MAP3K1: variants seen among roughly 807,000 people sequenced by gnomAD.
MAP3K1 encodes the protein MAP/ERK kinase kinase 1.
MAP3K1 carries 36 observed loss-of-function variants against 144.2 expected under a neutral mutation model. The ratio of observed to expected loss-of-function variants is 0.25; its 90% CI spans 0.19 to 0.33. MAP3K1 has a LOEUF of 0.33. MAP3K1 is among the 10% of genes least tolerant of loss of function. The probability of loss-of-function intolerance (pLI) is 1.00; values close to 1 mark genes in which losing one functional copy is unlikely to be tolerated. For missense variants in MAP3K1, 1,650 were observed against 1,881.9 expected (o/e 0.88, Z 2.28); for synonymous variants, 718 against 688.7 (o/e 1.04, Z -0.67).
intron 19 of MAP3K1, 94 bp downstream of exon 19, chr5:56,888,451 A>AT: frequency 9.5e-7 from 1 of 1,050,526 alleles, no homozygotes; most frequent in Non-Finnish European, 1.5e-6. Flanking sequence ...CTAACAATCT[A>AT]GCATGAAGGT....
At chr5:56,845,409 A>G (rs564669120) in intron 1 of MAP3K1, among the ~76,000 whole-genome samples, 1 of 151,772 alleles carries the variant, frequency 6.6e-6, no homozygotes, top group Non-Finnish European at 1.5e-5. Context: ...TTTTCATTTC[A>G]CTGTGCCATG....
chr5:56,866,415 G>T (rs949084662), intron 6 of MAP3K1, among the ~76,000 whole-genome samples: 2 of 151,852 alleles, frequency 1.3e-5, no homozygotes, highest in Non-Finnish European at 2.9e-5. Context: ...AAATATGTGG[G>T]TGTGTGTATG....
chr5:56,861,568 T>TAA (rs869216404), intron 3 of MAP3K1, among the ~76,000 whole-genome samples: 10 of 114,168 alleles, frequency 8.8e-5, no homozygotes, highest in Admixed American at 9.7e-5. Flanking sequence ...GTGAGACTCC[T>TAA]AAAAAAAAAA....
chr5:56,839,949 G>T (rs1041156560), intron 1 of MAP3K1, among the ~76,000 whole-genome samples: 2 of 152,110 alleles, frequency 1.3e-5, no homozygotes, highest in East Asian at 1.9e-4. Context: ...CATTTTTTCA[G>T]TGTTTAGTGT....
intron 2 of MAP3K1, among the ~76,000 whole-genome samples, chr5:56,857,474 C>T (rs1451631919): frequency 1.3e-5 from 2 of 152,052 alleles, no homozygotes; most frequent in African/African-American, 4.8e-5. Context: ...TCTCTCTCAG[C>T]AAGTTTTTAT....
At chr5:56,862,003 C>G (rs915312925) in intron 3 of MAP3K1, 3 of 152,012 alleles carry the variant, frequency 2.0e-5, no homozygotes, top group African/African-American at 7.3e-5. Flanking sequence ...GTTGTTGGCT[C>G]TATGTTAAAA....
chr5:56,890,597 C>T (rs942910756), intron 19 of MAP3K1, among the ~76,000 whole-genome samples: 1 of 152,146 alleles, frequency 6.6e-6, no homozygotes, highest in African/African-American at 2.4e-5. Flanking sequence ...AAGATTACCT[C>T]TAGAAGTACC....
At chr5:56,833,780 A>T (rs909768957) in intron 1 of MAP3K1, among the ~76,000 whole-genome samples, 9 of 152,056 alleles carry the variant, frequency 5.9e-5, no homozygotes, top group African/African-American at 2.2e-4. Flanking sequence ...AATGCCCTTT[A>T]ATTTGAGTAA....
intron 1 of MAP3K1, among the ~76,000 whole-genome samples, chr5:56,847,164 G>A (rs979233014): frequency 7.9e-5 from 12 of 152,300 alleles, no homozygotes; most frequent in African/African-American, 2.6e-4. Flanking sequence ...AAGGAATATA[G>A]CCCCTTTCGT....
Position 56,815,787 on chromosome 5 carries a change from C to T in MAP3K1, c.214C>T (p.Gln72Ter). The T allele has an allele frequency of 1.4e-6, 2 of 1,421,154 alleles. No homozygotes were observed. Among genetic ancestry groups the T allele is most frequent in the Non-Finnish European group, 1.8e-6 (2 of 1,084,490 alleles). The allele number at this position is 1,421,154 out of a possible 1,614,324, so 88.0% of individuals were successfully genotyped here. A position where few individuals can be genotyped will look rare whatever the true frequency, so the allele number is the denominator to read the frequency against. ...CAAAGTGCGGAGTGTGGAGCTGGACCAGCTGCCTGAGCAGCCGCTCTTCCT... is the reference window on the plus strand; with the variant it reads ...CAAAGTGCGGAGTGTGGAGCTGGACTAGCTGCCTGAGCAGCCGCTCTTCCT... ...LRKVRSVELD[Q>*]LPEQPLFLAA... Residue 72 changes from glutamine to a stop codon, truncating the protein, a stop_gained, in exon 1 of 20, where the codon CAG (glutamine) becomes TAG (stop). Coordinates refer to ENST00000399503, the MANE Select transcript of MAP3K1 (RefSeq NM_005921.2). LOFTEE classifies it high-confidence loss of function.
chr5:56,817,757 T>G (rs1352059211), intron 1 of MAP3K1, among the ~76,000 whole-genome samples: 1 of 152,214 alleles, frequency 6.6e-6, no homozygotes, highest in Non-Finnish European at 1.5e-5. Flanking sequence ...AGACCTAACT[T>G]TTTGGATACA....
intron 14 of MAP3K1, among the ~76,000 whole-genome samples, chr5:56,883,288 TACA>T (rs1461463969): frequency 1.3e-5 from 2 of 152,228 alleles, no homozygotes; most frequent in African/African-American, 4.8e-5. Flanking sequence ...TTATTACTTA[TACA>T]ACAATAATGT....
In MAP3K1 at chr5:56,895,454, C is replaced by T. The variant is rs1748676819; in HGVS notation, c.*1774C>T. On this transcript the variant is annotated 3_prime_UTR_variant, in exon 20 of 20. Coordinates refer to ENST00000399503, the MANE Select transcript of MAP3K1 (RefSeq NM_005921.2). The stretch of plus-strand genomic sequence containing the variant: ...TCATGTGCAAGCTTTAAAGGATGCA[C>T]TCTTGCCATTTTATGTACTGGAAGA... The T allele has an allele frequency of 4.3e-6, 1 of 229,928 alleles. No homozygotes were observed. The allele number at this position is 229,928 out of a possible 1,614,324, so 14.2% of individuals were successfully genotyped here.
At chr5:56,886,085 A>G in intron 17 of MAP3K1, 22 bp downstream of exon 17, 1 of 1,595,104 alleles carries the variant, frequency 6.3e-7, no homozygotes, top group South Asian at 1.1e-5. Flanking sequence ...TCTAATTATT[A>G]TCTAGTGACA....
chr5:56,877,472 C>T (rs1476005776), intron 10 of MAP3K1, among the ~76,000 whole-genome samples: 1 of 151,862 alleles, frequency 6.6e-6, no homozygotes, highest in Non-Finnish European at 1.5e-5. Flanking sequence ...CTTATCTCCC[C>T]TTCCTCTGTC....
At chr5:56,824,198 G>A (rs1370195367) in intron 1 of MAP3K1, among the ~76,000 whole-genome samples, 1 of 152,196 alleles carries the variant, frequency 6.6e-6, no homozygotes, top group Non-Finnish European at 1.5e-5. Flanking sequence ...TTTACTGTTG[G>A]TAAGTAAACC....
At chr5:56,840,918 C>G (rs1038232728) in intron 1 of MAP3K1, among the ~76,000 whole-genome samples, 1 of 151,178 alleles carries the variant, frequency 6.6e-6, no homozygotes, top group African/African-American at 2.4e-5. Flanking sequence ...GTCTGTCACC[C>G]AGGCTGGAGT....
rs1393974261 is a variant in MAP3K1 at position 56,856,605 on chromosome 5, A to C, written c.488A>C (p.Glu163Ala). The change falls in exon 2 of 20, where the codon GAG (glutamate) becomes GCG (alanine). Residue 163 changes from glutamate to alanine, a missense_variant. Glu to Ala is a moderately radical substitution (Grantham distance 107). Transcript: ENST00000399503. ...PSPAAAPAGR[E>A]MENKETLKGL... Reference sequence around the variant, plus strand: ...TGTTTCTGCCTGCATTTTAGTCGTGAGATGGAGAATAAAGAAACTCTCAAA... The same window carrying C: ...TGTTTCTGCCTGCATTTTAGTCGTGCGATGGAGAATAAAGAAACTCTCAAA... 6.2e-7 allele frequency: 1 copy of C among 1,612,810 alleles called. No homozygotes were observed. The highest frequency in any genetic ancestry group is 8.5e-7 in the Non-Finnish European group (1 of 1,178,984).
intron 2 of MAP3K1, among the ~76,000 whole-genome samples, chr5:56,859,452 GT>G (rs1410541679): frequency 1.3e-5 from 2 of 152,200 alleles, no homozygotes; most frequent in East Asian, 3.9e-4. Context: ...CATTTCTACA[GT>G]TTTGTATGCA....
Sources: allele counts gnomAD v4.1 joint callset (sites outside exome capture counted in the v4.1 genomes callset), GRCh38; gene constraint gnomAD v4.1.1; transcripts MANE v1.5; gene names NCBI Gene and HGNC (gene_info 2026-07-23, HGNC 2026-07-21).